Variants in MGA observed in about 807,000 individuals in gnomAD.
MGA encodes the protein MAX gene-associated protein.
MGA carries 40 observed loss-of-function variants against 261.1 expected under a neutral mutation model. The ratio of observed to expected loss-of-function variants is 0.15; its 90% CI spans 0.12 to 0.20. The LOEUF is 0.20. Among genes scored for constraint, MGA ranks in the 10% least tolerant of loss-of-function variants. The probability of loss-of-function intolerance (pLI) is 1.00; values close to 1 mark genes in which losing one functional copy is unlikely to be tolerated. For synonymous variants in MGA, 1,302 were observed against 1,290.6 expected, an observed-to-expected ratio of 1.01 and a Z score of -0.19; for missense variants, 3,397 against 3,630.5, an observed-to-expected ratio of 0.94 and a Z score of 1.65.
rs2059542287 is a variant in MGA, at chr15:41,696,142, A to C, written c.1132A>C (p.Asn378His). 6.2e-7 allele frequency: 1 copy of C among 1,613,744 alleles called. No individual in the cohort carries two copies. The highest frequency in any genetic ancestry group is 1.3e-5 in the African/African-American group (1 of 74,848). ...ACCGTTAGACCAGAACGGAAGCTTC[A>C]ATGTTGTTATTAAAGAGGAACCTCT... Residue 378 changes from asparagine to histidine, a missense_variant, in exon 3 of 24, where the codon AAT becomes CAT. By Grantham distance (68) the Asn-to-His change is moderately conservative. Transcript: ENST00000219905.
chr15:41,652,229 T>C (rs1449270246), intron 1 of MGA, among the ~76,000 whole-genome samples: 1 of 150,692 alleles, frequency 6.6e-6, no homozygotes, highest in African/African-American at 2.4e-5. Context: ...CGCCTCAGCC[T>C]CCGAAAGTGC....
chr15:41,641,024 A>G (rs907595203), intron 1 of MGA, among the ~76,000 whole-genome samples: 30 of 152,318 alleles, frequency 2.0e-4, no homozygotes, highest in Admixed American at 2.0e-3. Context: ...CTAGGTGACT[A>G]TCAGTCTACT....
rs952444054 is a variant in MGA at position 41,716,826 on chromosome 15, T to C, written c.3430+3330T>C. Among the ~76,000 whole-genome samples the C allele has an allele frequency of 5.9e-5, 9 of 152,282 alleles. No homozygotes were observed. In the South Asian group the frequency reaches 1.9e-3, roughly 32 times the overall value. On this transcript the variant is annotated intron_variant, in intron 9 of 23. Coordinates refer to ENST00000219905, the MANE Select transcript of MGA (RefSeq NM_001164273.2). ...CAGTTTTTTGTGTGTTTTTATTATA[T>C]AGTTAATATATAAAAAATTAGTCTT...
At position 41,677,147 on chromosome 15, in the gene MGA, C is replaced by CT. The variant is rs573322735; in HGVS notation, c.1064+7198dup. 3.2e-3 allele frequency among the ~76,000 whole-genome samples: 485 copies of CT among 151,474 alleles called. 1 individual carries two copies. The highest frequency in any genetic ancestry group is 5.2e-3 in the Non-Finnish European group (352 of 67,810). ...ATTGTGAATAATGGAGTTACGAATT[C>CT]TTTTTTTTTGGAGATTGAGTCTCGC... On this transcript the variant is annotated intron_variant, in intron 2 of 23. Coordinates refer to ENST00000219905, the MANE Select transcript of MGA (RefSeq NM_001164273.2).
chr15:41,711,100 C>T lies in MGA; in HGVS notation c.2835C>T (p.Ile945=). The T allele has an allele frequency of 6.2e-7, 1 of 1,614,046 alleles. No homozygotes were observed. The highest frequency in any genetic ancestry group is 1.1e-5 in the South Asian group (1 of 91,082). The change falls in exon 8 of 24, where the codon ATC becomes ATT. Residue 945 remains isoleucine (I), a synonymous_variant. Transcript: ENST00000219905. ...AGGTTACCAAGAATTCTTCAGGCAT[C>T]ATCTCAGAAAATCAGGCGAATAACT...
chr15:41,653,293 C>G (rs986999520), intron 1 of MGA, among the ~76,000 whole-genome samples: 1 of 151,208 alleles, frequency 6.6e-6, no homozygotes, highest in Non-Finnish European at 1.5e-5. Flanking sequence ...TGCTTGAACC[C>G]GGGAGGCCAA....
intron 20 of MGA, 83 bp downstream of exon 20, chr15:41,760,612 T>C (rs2063397890): frequency 2.2e-6 from 3 of 1,372,832 alleles, no homozygotes; most frequent in Admixed American, 1.9e-5. Flanking sequence ...CACTGACATA[T>C]AAGGGAGATT....
chr15:41,726,244 T>C (rs553837340), intron 9 of MGA, among the ~76,000 whole-genome samples: 1 of 152,248 alleles, frequency 6.6e-6, no homozygotes, highest in Non-Finnish European at 1.5e-5. Context: ...TGGACATCCC[T>C]GCCTCTCACT....
At chr15:41,657,343 T>C (rs1323116290), upstream of MGA, among the ~76,000 whole-genome samples, 1 of 11,884 alleles carries the variant, frequency 8.4e-5, no homozygotes, top group South Asian at 5.2e-3. Context: ...AAGGCCCTTT[T>C]TTTTTTTTTT....
chr15:41,672,146 G>A (rs534229383), intron 2 of MGA, among the ~76,000 whole-genome samples: 2 of 152,238 alleles, frequency 1.3e-5, no homozygotes, highest in East Asian at 1.9e-4. Flanking sequence ...TAGGTGAAAG[G>A]GTCAGACGTA....
chr15:41,690,873 T>TGCTC (rs936406027), intron 2 of MGA, among the ~76,000 whole-genome samples: 2 of 151,992 alleles, frequency 1.3e-5, no homozygotes, highest in Admixed American at 6.6e-5. Flanking sequence ...AGTGGGACCT[T>TGCTC]GTCTCAAAAC....
In MGA at chr15:41,757,786, A is replaced by G; in HGVS notation, c.7140-2A>G. The G allele has an allele frequency of 6.2e-7, 1 of 1,606,664 alleles. No individual in the cohort carries two copies. Among genetic ancestry groups the G allele is most frequent in the Non-Finnish European group, 8.5e-7 (1 of 1,174,530 alleles). ...ACACTGAAAAATCCTGTCTTTATCC[A>G]GGTCCTGTACTCACATCTCTGCAGA... On this transcript the variant is annotated splice_acceptor_variant, in intron 18 of 23. Transcript: ENST00000219905. LOFTEE classifies it high-confidence loss of function.
Position 41,764,951 on chromosome 15 carries a change from T to C in MGA, c.7810T>C (p.Leu2604=), listed in dbSNP as rs376534486. Residue 2604 remains leucine, a synonymous_variant, in exon 23 of 24, where the codon TTG becomes CTG. Coordinates refer to ENST00000219905, the MANE Select transcript of MGA (RefSeq NM_001164273.2). ...CCTTGTGATGACTCCGCAAGGGCAA[T>C]TGCTCACCCTAAAAGGTCCCCTATT... 7 of 1,614,026 alleles carry C rather than the reference T, an allele frequency of 4.3e-6. No homozygotes were observed. The highest frequency in any genetic ancestry group is 5.9e-6 in the Non-Finnish European group (7 of 1,179,880).
chr15:41,736,115 A>G (rs906776859), intron 12 of MGA, 66 bp from the exon 13 acceptor site: 12 of 1,316,290 alleles, frequency 9.1e-6, no homozygotes, highest in South Asian at 5.0e-5. Flanking sequence ...TCAGAGTTTC[A>G]TACAAAATGC....
intron 10 of MGA, among the ~76,000 whole-genome samples, chr15:41,728,110 A>G (rs1215204099): frequency 2.6e-5 from 4 of 152,194 alleles, no homozygotes; most frequent in Admixed American, 2.6e-4. Context: ...CGGGTGGATG[A>G]TCTGAGGTCA....
At chr15:41,649,483 G>A (rs1386651177) in intron 1 of MGA, among the ~76,000 whole-genome samples, 1 of 152,092 alleles carries the variant, frequency 6.6e-6, no homozygotes, top group Non-Finnish European at 1.5e-5. Context: ...ACCTGTGTAA[G>A]TTCTAGGAAG....
chr15:41,716,202 C>G (rs1387696467), intron 9 of MGA, among the ~76,000 whole-genome samples: 1 of 151,590 alleles, frequency 6.6e-6, no homozygotes, highest in African/African-American at 2.4e-5. Context: ...AATCCCAGCA[C>G]TTTGGACGGC....
intron 1 of MGA, among the ~76,000 whole-genome samples, chr15:41,664,290 G>A (rs1446274239): frequency 1.3e-5 from 2 of 152,190 alleles, no homozygotes; most frequent in African/African-American, 4.8e-5. Context: ...GAAAAACTCA[G>A]TGTGTGTATA....
At chr15:41,718,320 T>TATATACAC (rs1491439160) in intron 9 of MGA, 18 of 239,072 alleles carry the variant, frequency 7.5e-5, no homozygotes, top group African/African-American at 4.3e-4. Context: ...TATATATATA[T>TATATACAC]ACATATATAT....
Sources: allele counts gnomAD v4.1 joint callset (sites outside exome capture counted in the v4.1 genomes callset), GRCh38; gene constraint gnomAD v4.1.1; transcripts MANE v1.5; gene names NCBI Gene and HGNC (gene_info 2026-07-23, HGNC 2026-07-21).